Variants in AKR1E2 observed in about 807,000 individuals in gnomAD.
AKR1E2 encodes the protein 1,5-anhydro-D-fructose reductase.
In AKR1E2, 43 loss-of-function variants were observed where a neutral mutation model predicts 41.9. The ratio of observed to expected loss-of-function variants is 1.03; its 90% CI spans 0.80 to 1.32. The LOEUF (loss-of-function observed/expected upper bound fraction) is 1.32, where lower values mean the gene tolerates loss of function less well. AKR1E2 is among the 40% of genes most tolerant of loss of function. The probability of loss-of-function intolerance (pLI) is 0.00; values close to 1 mark genes in which losing one functional copy is unlikely to be tolerated. For missense variants in AKR1E2, 423 were observed against 396.5 expected, an observed-to-expected ratio of 1.07 and a Z score of -0.57; for synonymous variants, 121 against 138.9, an observed-to-expected ratio of 0.87 and a Z score of 0.91.
At chr10:4,832,607 A>C (rs12571967) in intron 2 of AKR1E2, among the ~76,000 whole-genome samples, 5,315 of 152,340 alleles carry the variant, frequency 0.035, 151 homozygotes, top group East Asian at 0.12. Context: ...CACACATATA[A>C]GCACCACATG....
At chr10:4,826,178 TG>T, upstream of AKR1E2, 1 of 564,178 alleles carries the variant, frequency 1.8e-6, no homozygotes, top group Non-Finnish European at 2.6e-6. Flanking sequence ...CCTGCGTTCA[TG>T]CTTCCAGCCA....
At chr10:4,841,939 C>G (rs1352452923) in intron 7 of AKR1E2, 82 bp downstream of exon 7, 7 of 1,305,534 alleles carry the variant, frequency 5.4e-6, no homozygotes, top group Admixed American at 2.3e-5. Flanking sequence ...CTTGGCAGGT[C>G]CCAGGAAGGG....
chr10:4,829,523 G>A (rs1442647251), intron 1 of AKR1E2, among the ~76,000 whole-genome samples: 3 of 152,070 alleles, frequency 2.0e-5, no homozygotes, highest in Non-Finnish European at 4.4e-5. Context: ...TTTTTCTGTT[G>A]TTTGAAAGTC....
At chr10:4,853,547 C>T in the AKR1E2 span, among the ~76,000 whole-genome samples, 1 of 151,838 alleles carries the variant, frequency 6.6e-6, no homozygotes, top group Non-Finnish European at 1.5e-5. Context: ...ATCCTGAGGA[C>T]ATGTGCCCAT....
In AKR1E2 at chr10:4,848,039, A is replaced by C. The variant is rs1261785972; in HGVS notation, c.*509A>C. ...CTGGGACACTGTTTCAGTTCAATAA[A>C]GAGGCTTTTTTCTTCCTTAAAAATC... On this transcript the variant is annotated 3_prime_UTR_variant, in exon 10 of 10. Transcript: ENST00000298375. 6.6e-6 allele frequency: 1 copy of C among 152,170 alleles called. No individual in the cohort carries two copies. Among genetic ancestry groups the C allele is most frequent in the Non-Finnish European group, 1.5e-5 (1 of 68,392 alleles). The allele number at this position is 152,170 out of a possible 1,614,324, so 9.4% of individuals were successfully genotyped here.
rs10611822 is a variant in AKR1E2 at position 4,839,453 on chromosome 10, TTATC to T, written c.583-274_583-271del. On this transcript the variant is annotated intron_variant, in intron 5 of 9. Transcript: ENST00000298375. The stretch of plus-strand genomic sequence containing the variant: ...GAGAGCTATGGTGTGTTAACAATCT[TTATC>T]TGAGTGCTCAGGGAAGGCCCTGCAG... Among the ~76,000 whole-genome samples, 31,054 of 152,088 alleles carry T rather than the reference TTATC, an allele frequency of 0.2. 3,334 individuals are homozygous for T. Among genetic ancestry groups the T allele is most frequent in the Middle Eastern group, 0.34 (101 of 294 alleles).
the AKR1E2 span, among the ~76,000 whole-genome samples, chr10:4,864,960 A>G: frequency 6.6e-6 from 1 of 152,208 alleles, no homozygotes; most frequent in African/African-American, 2.4e-5. Context: ...ATATTCCTAC[A>G]TATCTATGTA....
At chr10:4,860,493 T>G in the AKR1E2 span, among the ~76,000 whole-genome samples, 1 of 152,192 alleles carries the variant, frequency 6.6e-6, no homozygotes, top group Non-Finnish European at 1.5e-5. Context: ...TCCTGTCTGA[T>G]TCACACAAGG....
At chr10:4,836,096 A>T (rs1833394401) in intron 4 of AKR1E2, among the ~76,000 whole-genome samples, 1 of 152,152 alleles carries the variant, frequency 6.6e-6, no homozygotes, top group East Asian at 1.9e-4. Flanking sequence ...TAAAAACCAT[A>T]TTTATTTCAG....
chr10:4,845,062 C>T (rs937096257), intron 8 of AKR1E2, among the ~76,000 whole-genome samples: 6 of 152,294 alleles, frequency 3.9e-5, no homozygotes, highest in Admixed American at 1.3e-4. Context: ...CCCTGCCCTG[C>T]GGGGAGGCAG....
chr10:4,832,029 G>A (rs1833011314), intron 2 of AKR1E2, among the ~76,000 whole-genome samples: 1 of 152,188 alleles, frequency 6.6e-6, no homozygotes, highest in South Asian at 2.1e-4. Flanking sequence ...GATGTGGAGG[G>A]TATTGGGAGT....
intron 9 of AKR1E2, 38 bp from the exon 10 acceptor site, chr10:4,847,450 C>A: frequency 6.2e-7 from 1 of 1,602,696 alleles, no homozygotes; most frequent in Non-Finnish European, 8.5e-7. Flanking sequence ...AATAATCATT[C>A]TTTGTTCCTA....
At position 4,826,307 on chromosome 10, in the gene AKR1E2, GGGCGGCC is replaced by G; in HGVS notation, c.-11_-5del. Reference sequence around the variant, plus strand: ...TCGCGTGCGGGGCGGCGGGGCGGCGGGGCGGCCGGCGGCGGCCATGGGAGATATCCCA... The same window carrying G: ...TCGCGTGCGGGGCGGCGGGGCGGCGGGGCGGCGGCCATGGGAGATATCCCA... On this transcript the variant is annotated 5_prime_UTR_variant, in exon 1 of 10. Coordinates refer to ENST00000298375, the MANE Select transcript of AKR1E2 (RefSeq NM_001040177.3). The G allele has an allele frequency of 1.6e-6, 2 of 1,233,132 alleles. No homozygotes were observed. The highest frequency in any genetic ancestry group is 2.0e-6 in the Non-Finnish European group (2 of 987,246). 76.4% of individuals were successfully genotyped at this position (1,233,132 alleles called of 1,614,324 possible). A position where few individuals can be genotyped will look rare whatever the true frequency, so the allele number is the denominator to read the frequency against.
At chr10:4,827,285 C>T (rs532996379) in intron 1 of AKR1E2, among the ~76,000 whole-genome samples, 1 of 151,576 alleles carries the variant, frequency 6.6e-6, no homozygotes, top group Non-Finnish European at 1.5e-5. Context: ...ATTAACATAT[C>T]TATCACCTCT....
the AKR1E2 span, among the ~76,000 whole-genome samples, chr10:4,869,069 G>A: frequency 6.6e-6 from 1 of 152,118 alleles, no homozygotes; most frequent in Non-Finnish European, 1.5e-5. Flanking sequence ...GAACTGGGAA[G>A]TGTTCCCTCC....
chr10:4,873,026 G>A, the AKR1E2 span, among the ~76,000 whole-genome samples: 2 of 152,262 alleles, frequency 1.3e-5, no homozygotes, highest in African/African-American at 2.4e-5. Context: ...TGTCAGTGAT[G>A]TGGTTTGGCT....
At chr10:4,870,800 T>G in the AKR1E2 span, among the ~76,000 whole-genome samples, 2 of 152,136 alleles carry the variant, frequency 1.3e-5, no homozygotes, top group Non-Finnish European at 2.9e-5. Flanking sequence ...ATCTTCTTAC[T>G]CTGTAGGTTT....
chr10:4,840,197 C>T lies in AKR1E2; in HGVS notation c.680+371C>T, dbSNP rs77536914. On this transcript the variant is annotated intron_variant, in intron 6 of 9. Coordinates refer to ENST00000298375, the MANE Select transcript of AKR1E2 (RefSeq NM_001040177.3). ...AGGCAAAGCCTGCTGTCATCTTTACCCAGGCCCTCCTGCAGCTGTACTGTG... is the reference window on the plus strand; with the variant it reads ...AGGCAAAGCCTGCTGTCATCTTTACTCAGGCCCTCCTGCAGCTGTACTGTG... 3.9e-3 allele frequency among the ~76,000 whole-genome samples: 592 copies of T among 152,238 alleles called. 20 individuals carry two copies. In the East Asian group the frequency reaches 0.097, roughly 25 times the overall value.
chr10:4,840,570 G>A (rs1157807680), intron 6 of AKR1E2, among the ~76,000 whole-genome samples: 1 of 152,110 alleles, frequency 6.6e-6, no homozygotes, highest in Non-Finnish European at 1.5e-5. Context: ...CCTGTGAGAT[G>A]CAGCCAGCCT....
Sources: allele counts gnomAD v4.1 joint callset (sites outside exome capture counted in the v4.1 genomes callset), GRCh38; gene constraint gnomAD v4.1.1; transcripts MANE v1.5; gene names NCBI Gene and HGNC (gene_info 2026-07-23, HGNC 2026-07-21).